RGS5: variants seen among roughly 807,000 people sequenced by gnomAD.
RGS5 encodes regulator of G protein signaling 5.
RGS5 carries 20 observed loss-of-function variants against 18.9 expected under a neutral mutation model. The observed-to-expected ratio is 1.06, with a 90% CI of 0.74 to 1.54. The LOEUF is 1.54. RGS5 is among the 40% of genes most tolerant of loss of function. The pLI is 0.00. For missense variants in RGS5, 201 were observed against 211.8 expected, an observed-to-expected ratio of 0.95 and a Z score of 0.32; for synonymous variants, 57 against 76.2, an observed-to-expected ratio of 0.75 and a Z score of 1.31.
intron 2 of RGS5, among the ~76,000 whole-genome samples, chr1:163,267,916 C>T (rs1469705579): frequency 6.6e-6 from 1 of 152,020 alleles, no homozygotes; most frequent in African/African-American, 2.4e-5. Context: ...ATTCAAGGAG[C>T]TGAATAATAA....
chr1:163,277,468 C>T (rs1405740662), intron 2 of RGS5, among the ~76,000 whole-genome samples: 1 of 152,102 alleles, frequency 6.6e-6, no homozygotes, highest in African/African-American at 2.4e-5. Context: ...CAACTAAACC[C>T]CTGGCTCATC....
chr1:163,246,006 G>C (rs1005505771), intron 2 of RGS5, among the ~76,000 whole-genome samples: 1 of 151,958 alleles, frequency 6.6e-6, no homozygotes, highest in African/African-American at 2.4e-5. Context: ...ACGAGGTCAG[G>C]AGATCGAGAC....
At chr1:163,300,157 G>C (rs1036399297) in intron 2 of RGS5, among the ~76,000 whole-genome samples, 1 of 152,214 alleles carries the variant, frequency 6.6e-6, no homozygotes. Context: ...TATCACTCCT[G>C]AAGTGTGAAT....
intron 1 of RGS5, among the ~76,000 whole-genome samples, chr1:163,192,256 G>T (rs1659389889): frequency 1.3e-5 from 2 of 152,144 alleles, no homozygotes. Flanking sequence ...GGGCAGTCTT[G>T]TGGGGCTGAG....
chr1:163,246,924 G>A (rs891650355), intron 2 of RGS5, among the ~76,000 whole-genome samples: 32 of 152,258 alleles, frequency 2.1e-4, no homozygotes, highest in Admixed American at 1.4e-3. Context: ...AAATCATGTC[G>A]TTTGCAGCAA....
chr1:163,158,707 A>C (rs1325265525), intron 3 of RGS5, among the ~76,000 whole-genome samples: 1 of 152,176 alleles, frequency 6.6e-6, no homozygotes, highest in Non-Finnish European at 1.5e-5. Context: ...GGGCAAGATC[A>C]CAGGACCACA....
intron 2 of RGS5, among the ~76,000 whole-genome samples, chr1:163,166,852 T>C (rs1377677343): frequency 6.6e-6 from 1 of 152,240 alleles, no homozygotes; most frequent in African/African-American, 2.4e-5. Context: ...AATGTAGAAC[T>C]CTATTTTTTT....
intron 1 of RGS5, chr1:163,217,497 C>T: frequency 1.3e-6 from 2 of 1,499,002 alleles, no homozygotes; most frequent in Non-Finnish European, 1.8e-6. Context: ...TAAAGAAAAC[C>T]ATTATTTAAG....
intron 2 of RGS5, among the ~76,000 whole-genome samples, chr1:163,243,938 T>C (rs1647866548): frequency 1.3e-5 from 2 of 152,164 alleles, no homozygotes; most frequent in Non-Finnish European, 2.9e-5. Flanking sequence ...CTTCACTGTG[T>C]AACTTTGCTT....
At chr1:163,188,951 CAAAAA>C (rs34767004) in intron 1 of RGS5, among the ~76,000 whole-genome samples, 4 of 77,630 alleles carry the variant, frequency 5.2e-5, no homozygotes, top group Non-Finnish European at 7.1e-5. Context: ...GACCCCATCT[CAAAAA>C]AAAAAAAAAA....
At chr1:163,220,552 C>A (rs567691881), upstream of RGS5, among the ~76,000 whole-genome samples, 1 of 152,250 alleles carries the variant, frequency 6.6e-6, no homozygotes, top group East Asian at 1.9e-4. Flanking sequence ...CAAACTTAGT[C>A]CATCTGATAT....
At chr1:163,239,312 C>T (rs1435884554) in intron 2 of RGS5, 1 of 112,282 alleles carries the variant, frequency 8.9e-6, no homozygotes, top group Non-Finnish European at 1.7e-5. Flanking sequence ...CCTATCCCTA[C>T]TAAAATCCAA....
chr1:163,261,636 C>G (rs1172484629), intron 2 of RGS5, among the ~76,000 whole-genome samples: 1 of 152,170 alleles, frequency 6.6e-6, no homozygotes, highest in Non-Finnish European at 1.5e-5. Flanking sequence ...CCTCACTCCT[C>G]AATCTGTATG....
At chr1:163,148,022 G>T (rs1322765320) in intron 4 of RGS5, among the ~76,000 whole-genome samples, 2 of 148,596 alleles carry the variant, frequency 1.3e-5, no homozygotes, top group Non-Finnish European at 1.5e-5. Flanking sequence ...CTGCCTTCCG[G>T]GTTCAAGTGA....
At position 163,302,705 on chromosome 1, in the gene RGS5, T is replaced by C. The variant is rs558192208; in HGVS notation, c.-281+3528A>G. ...ACCACAGTCAAACCAAATGACTAGC[T>C]GTCCTCTCTTCCTCTGTGCTTTCCC... On this transcript the variant is annotated intron_variant, in intron 2 of 5. Coordinates refer to the RGS5 transcript ENST00000618415. Among the ~76,000 whole-genome samples, 13 of 152,322 alleles carry C rather than the reference T, an allele frequency of 8.5e-5. No homozygotes were observed. The East Asian group carries it at 1.5e-3, about 18-fold the overall frequency.
chr1:163,147,560 G>T (rs774649772), intron 4 of RGS5, 57 bp from the exon 5 acceptor site: 9 of 1,404,346 alleles, frequency 6.4e-6, no homozygotes, highest in Non-Finnish European at 8.5e-6. Flanking sequence ...TTTGATGAGG[G>T]GTGAAGAGGG....
intron 2 of RGS5, among the ~76,000 whole-genome samples, chr1:163,297,052 T>C (rs1211936684): frequency 6.6e-6 from 1 of 152,176 alleles, no homozygotes; most frequent in Non-Finnish European, 1.5e-5. Flanking sequence ...ATCATCCTTA[T>C]CTGTTGCAGA....
intron 1 of RGS5, among the ~76,000 whole-genome samples, chr1:163,196,209 A>G (rs1488765434): frequency 1.3e-5 from 2 of 152,194 alleles, no homozygotes; most frequent in African/African-American, 2.4e-5. Context: ...TAGAACTTTA[A>G]GGGAGGAAAG....
In RGS5 at chr1:163,161,730, C is replaced by G. The variant is rs531726260; in HGVS notation, c.217+185G>C. 1.7e-5 allele frequency: 9 copies of G among 530,346 alleles called. No homozygotes were observed. In the East Asian group the frequency reaches 2.9e-4, roughly 17 times the overall value. 32.9% of individuals were successfully genotyped at this position (530,346 alleles called of 1,614,324 possible). Reference sequence around the variant, plus strand: ...ATGTTCACATTCCCTCATAGTGCCACAGACCCTCCTTTTCTTGTGAACTGG... The same window carrying G: ...ATGTTCACATTCCCTCATAGTGCCAGAGACCCTCCTTTTCTTGTGAACTGG... On this transcript the variant is annotated intron_variant, in intron 3 of 4. Coordinates refer to ENST00000313961, the MANE Select transcript of RGS5 (RefSeq NM_003617.4).
Sources: allele counts gnomAD v4.1 joint callset (sites outside exome capture counted in the v4.1 genomes callset), GRCh38; gene constraint gnomAD v4.1.1; transcripts MANE v1.5; gene names NCBI Gene and HGNC (gene_info 2026-07-23, HGNC 2026-07-21).